PTPRG: variants seen among roughly 807,000 people sequenced by gnomAD.
PTPRG encodes the protein receptor-type tyrosine-protein phosphatase gamma.
A neutral mutation model predicts 165.3 loss-of-function variants in PTPRG; 102 were observed. That is an observed-to-expected ratio of 0.62 (90% CI 0.53 to 0.73). PTPRG has a LOEUF of 0.73. PTPRG is among the 30% of genes least tolerant of loss of function. PTPRG has a pLI of 0.00. For synonymous variants in PTPRG, 675 were observed against 669.5 expected, an observed-to-expected ratio of 1.01 and a Z score of -0.13; for missense variants, 1,866 against 1,861.4, an observed-to-expected ratio of 1.00 and a Z score of -0.05.
intron 14 of PTPRG, among the ~76,000 whole-genome samples, chr3:62,234,013 T>C (rs898927597): frequency 1.3e-5 from 2 of 152,220 alleles, no homozygotes; most frequent in Non-Finnish European, 2.9e-5. Flanking sequence ...TAGTTTGTTG[T>C]CTATTCTTCC....
At chr3:61,666,153 C>T (rs1472340074) in intron 1 of PTPRG, among the ~76,000 whole-genome samples, 1 of 152,166 alleles carries the variant, frequency 6.6e-6, no homozygotes, top group African/African-American at 2.4e-5. Context: ...GTGTAATAAA[C>T]TCCCAGATGC....
At chr3:62,063,210 G>A (rs1387880811) in intron 4 of PTPRG, among the ~76,000 whole-genome samples, 1 of 152,118 alleles carries the variant, frequency 6.6e-6, no homozygotes, top group African/African-American at 2.4e-5. Flanking sequence ...TCCATCATAT[G>A]TTTTCTCTGA....
chr3:62,141,333 C>T (rs1174306518), intron 6 of PTPRG, among the ~76,000 whole-genome samples: 6 of 152,052 alleles, frequency 3.9e-5, no homozygotes, highest in South Asian at 2.1e-4. Flanking sequence ...AGGCCAGGCG[C>T]GGTGGCTCAT....
intron 4 of PTPRG, among the ~76,000 whole-genome samples, chr3:62,045,679 C>T (rs921529312): frequency 2.0e-4 from 30 of 152,128 alleles, no homozygotes; most frequent in Admixed American, 2.0e-3. Context: ...GTCACCAGTG[C>T]CAGTCATTAC....
At chr3:61,809,313 C>T (rs889948358) in intron 2 of PTPRG, among the ~76,000 whole-genome samples, 1 of 151,958 alleles carries the variant, frequency 6.6e-6, no homozygotes. Flanking sequence ...TAAAGATGCA[C>T]TCTTTTTTCA....
chr3:62,255,055 G>C lies in PTPRG; in HGVS notation c.2468-69G>C. On this transcript the variant is annotated intron_variant, in intron 15 of 29. Transcript: ENST00000474889. The surrounding 1 kb of genome is among the most constrained non-coding windows in gnomAD (Gnocchi z 4.0). The stretch of plus-strand genomic sequence containing the variant: ...CAAGTATTTGTCTTAAGGATGCTTT[G>C]CTTTATCAGTGTAATTTGTTTTATG... The C allele has an allele frequency of 7.5e-7, 1 of 1,338,644 alleles. No homozygotes were observed. The highest frequency in any genetic ancestry group is 1.1e-6 in the Non-Finnish European group (1 of 950,728). 82.9% of individuals were successfully genotyped at this position (1,338,644 alleles called of 1,614,324 possible).
At chr3:61,897,793 G>A (rs1346960175) in intron 2 of PTPRG, among the ~76,000 whole-genome samples, 2 of 152,032 alleles carry the variant, frequency 1.3e-5, no homozygotes, top group Non-Finnish European at 2.9e-5. Context: ...TACATGTTTT[G>A]TGTATACCTA....
At position 62,168,013 on chromosome 3, in the gene PTPRG, C is replaced by A. The variant is rs1705063870; in HGVS notation, c.883C>A (p.His295Asn). ...YSIFTTEQQD[H>N]VKSVEYLRNN... ...CATCTTCACCACGGAGCAGCAAGACCATGTCAAGTCGGTGGAGTATCTGAG... is the reference window on the plus strand; with the variant it reads ...CATCTTCACCACGGAGCAGCAAGACAATGTCAAGTCGGTGGAGTATCTGAG... Residue 295 changes from histidine (H) to asparagine (N), a missense_variant, in exon 8 of 30, where the codon CAT (histidine) becomes AAT (asparagine). Physicochemically the swap from His to Asn is moderately conservative, Grantham distance 68. Coordinates refer to ENST00000474889, the MANE Select transcript of PTPRG (RefSeq NM_002841.4). 6.2e-7 allele frequency: 1 copy of A among 1,613,746 alleles called. No individual in the cohort carries two copies. The highest frequency in any genetic ancestry group is 1.7e-5 in the Admixed American group (1 of 59,982).
chr3:62,187,719 T>C (rs1699698693), intron 8 of PTPRG, among the ~76,000 whole-genome samples: 1 of 152,140 alleles, frequency 6.6e-6, no homozygotes, highest in Admixed American at 6.5e-5. Flanking sequence ...CCTCCAAATT[T>C]GGCCCAGTAT....
Position 61,742,332 on chromosome 3 carries a change from C to G in PTPRG, c.86-6546C>G, listed in dbSNP as rs941162643. The stretch of plus-strand genomic sequence containing the variant: ...AAATGAGGCACGTAGGAAACAGTTG[C>G]GTTGATATCTTCAGTAGTAGGTGAC... On this transcript the variant is annotated intron_variant, in intron 1 of 29. Transcript: ENST00000474889. The G allele has an allele frequency of 6.4e-6, 4 of 626,570 alleles. No homozygotes were observed. The Admixed American group carries it at 1.3e-4, about 20-fold the overall frequency. 38.8% of individuals were successfully genotyped at this position (626,570 alleles called of 1,614,324 possible).
At chr3:62,192,598 A>G (rs1293858267) in intron 9 of PTPRG, among the ~76,000 whole-genome samples, 1 of 151,572 alleles carries the variant, frequency 6.6e-6, no homozygotes, top group Non-Finnish European at 1.5e-5. Flanking sequence ...TTTTTAGTAG[A>G]GACAGGGTTT....
At chr3:61,895,061 A>G (rs1032384103) in intron 2 of PTPRG, among the ~76,000 whole-genome samples, 2 of 152,198 alleles carry the variant, frequency 1.3e-5, no homozygotes, top group African/African-American at 2.4e-5. Flanking sequence ...GTCGTTAAAC[A>G]TCCCCTAGGG....
chr3:62,043,917 A>G (rs1015667752), intron 4 of PTPRG, among the ~76,000 whole-genome samples: 4 of 152,238 alleles, frequency 2.6e-5, no homozygotes, highest in African/African-American at 4.8e-5. Context: ...ATAGGGGCCT[A>G]GTGCAGATAG....
chr3:61,827,095 G>A (rs2036136030), intron 2 of PTPRG, among the ~76,000 whole-genome samples: 1 of 152,184 alleles, frequency 6.6e-6, no homozygotes, highest in African/African-American at 2.4e-5. Flanking sequence ...GTAAGGGCAT[G>A]CTTTGCTGTG....
At position 61,653,899 on chromosome 3, in the gene PTPRG, TG is replaced by T. The variant is rs376056152; in HGVS notation, c.85+91533del. The stretch of plus-strand genomic sequence containing the variant: ...GTGCAGGTTGTTAAGCGGGGAGCGG[TG>T]GGGGGCGCGGGGAACTGTAAGGGAA... On this transcript the variant is annotated intron_variant, in intron 1 of 29. Transcript: ENST00000474889. Among the ~76,000 whole-genome samples the T allele has an allele frequency of 9.5e-3, 1,389 of 146,420 alleles. 57 individuals carry two copies. Among genetic ancestry groups the T allele is most frequent in the African/African-American group, 0.03 (1,204 of 39,622 alleles).
At chr3:61,838,254 G>A (rs1313560625) in intron 2 of PTPRG, among the ~76,000 whole-genome samples, 1 of 152,112 alleles carries the variant, frequency 6.6e-6, no homozygotes, top group Admixed American at 6.5e-5. Context: ...TGTGCTGTTG[G>A]GTTATCTACC....
intron 4 of PTPRG, among the ~76,000 whole-genome samples, chr3:62,017,671 G>T (rs907371747): frequency 6.6e-6 from 1 of 151,244 alleles, no homozygotes; most frequent in African/African-American, 2.4e-5. Flanking sequence ...TGATCCGCCC[G>T]CCTCGGCCTC....
At chr3:62,149,528 C>G (rs889142875) in intron 6 of PTPRG, among the ~76,000 whole-genome samples, 10 of 152,172 alleles carry the variant, frequency 6.6e-5, no homozygotes, top group African/African-American at 2.2e-4. Flanking sequence ...TTGGCCTCCC[C>G]CAAAGTACTG....
At chr3:62,191,990 C>T (rs938690484) in intron 9 of PTPRG, among the ~76,000 whole-genome samples, 1 of 152,170 alleles carries the variant, frequency 6.6e-6, no homozygotes, top group African/African-American at 2.4e-5. Flanking sequence ...ATCATAAATA[C>T]TAAATGAGCT....
Sources: gnomAD v4.1 joint callset for allele counts (sites outside exome capture counted in the v4.1 genomes callset) on GRCh38, gnomAD v4.1.1 for gene constraint, Gnocchi (gnomAD v3.1) non-coding constraint, MANE v1.5 for transcripts, NCBI Gene and HGNC (gene_info 2026-07-23, HGNC 2026-07-21) for gene names.